PLCB4: variants seen among roughly 807,000 people sequenced by gnomAD.
The protein encoded by PLCB4 is 1-phosphatidylinositol 4,5-bisphosphate phosphodiesterase beta-4.
In PLCB4, 77 loss-of-function variants were observed where a neutral mutation model predicts 178.8. The ratio of observed to expected loss-of-function variants is 0.43; its 90% confidence interval spans 0.36 to 0.52. The LOEUF (loss-of-function observed/expected upper bound fraction) is 0.52, where lower values mean the gene tolerates loss of function less well. Among genes scored for constraint, PLCB4 ranks in the 20% least tolerant of loss-of-function variants. PLCB4 has a pLI of 0.00. For missense variants in PLCB4, 1,024 were observed against 1,453.4 expected (o/e 0.70, Z 4.80); for synonymous variants, 496 against 490.8 (o/e 1.01, Z -0.14).
At chr20:9,076,338 G>A (rs528154630) in intron 1 of PLCB4, among the ~76,000 whole-genome samples, 1 of 152,160 alleles carries the variant, frequency 6.6e-6, no homozygotes, top group South Asian at 2.1e-4. Flanking sequence ...GTGGTGGCAG[G>A]CGCCTGTAAT....
chr20:9,079,865 C>T (rs561128553), intron 1 of PLCB4, among the ~76,000 whole-genome samples: 2 of 151,976 alleles, frequency 1.3e-5, no homozygotes, highest in African/African-American at 4.8e-5. Flanking sequence ...AGGGATTATG[C>T]TTTATGCTTC....
In PLCB4 at chr20:9,377,123, C is replaced by T. The variant is rs149139199; in HGVS notation, c.745-2931C>T. ...TCAACATTCATCTCTCCCAGTGCTA[C>T]TTGGATTGAAGCCAGACGATGCCTC... On this transcript the variant is annotated intron_variant, in intron 12 of 39. Coordinates refer to ENST00000378473, the MANE Select transcript of PLCB4 (RefSeq NM_001377142.1). 3.0e-4 allele frequency among the ~76,000 whole-genome samples: 45 copies of T among 152,288 alleles called. 1 individual carries two copies. The highest frequency in any genetic ancestry group is 6.8e-3 in the Middle Eastern group (2 of 294).
rs539923629 is a variant in PLCB4, at chr20:9,160,400, C to T, written c.-78-56990C>T. Among the ~76,000 whole-genome samples the T allele has an allele frequency of 5.9e-5, 9 of 152,136 alleles. No homozygotes were observed. The East Asian group carries it at 1.2e-3, about 20-fold the overall frequency. On this transcript the variant is annotated intron_variant, in intron 2 of 39. Coordinates refer to ENST00000378473, the MANE Select transcript of PLCB4 (RefSeq NM_001377142.1). ...ATATACCTGGCACCTGACACAGCGC[C>T]GGGAGCATGGTGGGCACTCAGTAGA...
At chr20:9,338,202 A>C in intron 6 of PLCB4, 135 bp downstream of exon 6, 3 of 649,188 alleles carry the variant, frequency 4.6e-6, no homozygotes, top group South Asian at 3.7e-5. Context: ...TGAGAATAGC[A>C]TGTGGTTGCT....
rs371651735 is a variant in PLCB4 at position 9,342,939 on chromosome 20, C to T, written c.369+3902C>T. The stretch of plus-strand genomic sequence containing the variant: ...TCCACAAGATCGTGTCATTGGTTTA[C>T]GCAATTTTTATGACAACTGACAATA... On this transcript the variant is annotated intron_variant, in intron 7 of 39. Coordinates refer to ENST00000378473, the MANE Select transcript of PLCB4 (RefSeq NM_001377142.1). Among the ~76,000 whole-genome samples the T allele has an allele frequency of 8.5e-5, 13 of 152,160 alleles. 1 individual carries two copies. Among genetic ancestry groups the T allele is most frequent in the Admixed American group, 2.0e-4 (3 of 15,260 alleles).
intron 2 of PLCB4, among the ~76,000 whole-genome samples, chr20:9,185,320 T>A (rs985526911): frequency 9.9e-5 from 15 of 152,268 alleles, no homozygotes; most frequent in African/African-American, 3.4e-4. Context: ...GTTTTTTTTT[T>A]ATTTATACTG....
At chr20:9,356,061 T>G (rs2034787374) in intron 7 of PLCB4, among the ~76,000 whole-genome samples, 1 of 152,116 alleles carries the variant, frequency 6.6e-6, no homozygotes, top group African/African-American at 2.4e-5. Context: ...TGATGAACAT[T>G]TTTTCATGTG....
intron 2 of PLCB4, among the ~76,000 whole-genome samples, chr20:9,139,774 A>G (rs1194449099): frequency 6.6e-6 from 1 of 152,070 alleles, no homozygotes; most frequent in Non-Finnish European, 1.5e-5. Flanking sequence ...ATTCACGGAA[A>G]CTTTCATAAG....
At chr20:9,263,131 T>G (rs532796327) in intron 3 of PLCB4, among the ~76,000 whole-genome samples, 3 of 152,162 alleles carry the variant, frequency 2.0e-5, no homozygotes, top group Non-Finnish European at 4.4e-5. Flanking sequence ...AGGAAGAAGC[T>G]GATCGGCTCA....
intron 4 of PLCB4, among the ~76,000 whole-genome samples, chr20:9,322,595 C>T (rs2094974165): frequency 1.3e-5 from 2 of 152,206 alleles, no homozygotes; most frequent in South Asian, 4.1e-4. Context: ...GGCACCTCCA[C>T]GGCTCTTCTG....
rs139447757 is a variant in PLCB4, at chr20:9,307,396, T to C, written c.-15-404T>C. Among the ~76,000 whole-genome samples the C allele has an allele frequency of 5.1e-4, 78 of 152,174 alleles. 1 individual carries two copies. Among genetic ancestry groups the C allele is most frequent in the African/African-American group, 1.8e-3 (73 of 41,516 alleles). On this transcript the variant is annotated intron_variant, in intron 3 of 39. Transcript: ENST00000378473. ...GCCCATATGTTCACCTTCAAGCCCATAGTGCCCTTAGCTATTTACAGCAGG... is the reference window on the plus strand; with the variant it reads ...GCCCATATGTTCACCTTCAAGCCCACAGTGCCCTTAGCTATTTACAGCAGG...
Position 9,250,974 on chromosome 20 carries a change from A to G in PLCB4, c.-16+33522A>G, listed in dbSNP as rs183039745. On this transcript the variant is annotated intron_variant, in intron 3 of 39. Transcript: ENST00000378473. ...AGTATAGTAGTGACTATGCATGTCC[A>G]ACAGAGAAATGTGTTTTAACTTTGT... Among the ~76,000 whole-genome samples the G allele has an allele frequency of 1.1e-4, 17 of 152,350 alleles. No individual in the cohort carries two copies. In the East Asian group the frequency reaches 3.3e-3, roughly 29 times the overall value.
intron 2 of PLCB4, among the ~76,000 whole-genome samples, chr20:9,132,489 C>G (rs2092294978): frequency 1.3e-5 from 2 of 152,108 alleles, no homozygotes; most frequent in South Asian, 2.1e-4. Flanking sequence ...GTCCTACAAC[C>G]TAGAGTCCAA....
intron 18 of PLCB4, among the ~76,000 whole-genome samples, chr20:9,394,266 GA>G (rs1211463960): frequency 2.0e-5 from 3 of 151,986 alleles, no homozygotes; most frequent in African/African-American, 7.3e-5. Context: ...TATTCTAAAT[GA>G]AAAATTTTAA....
chr20:9,263,074 C>T (rs2094314117), intron 3 of PLCB4, among the ~76,000 whole-genome samples: 2 of 152,104 alleles, frequency 1.3e-5, no homozygotes, highest in South Asian at 4.1e-4. Context: ...CTATTTCAGG[C>T]AGCTCTTAAC....
chr20:9,449,513 GAGAGTCAAAAAATCAGAA>G (rs2042622330), intron 32 of PLCB4, among the ~76,000 whole-genome samples: 1 of 152,090 alleles, frequency 6.6e-6, no homozygotes, highest in Admixed American at 6.5e-5. Flanking sequence ...CCTCTTAAAG[GAGAGTCAAAAAATCAGAA>G]AGCTTATCTG....
rs559990429 is a variant in PLCB4 at position 9,217,651 on chromosome 20, A to G, written c.-16+199A>G. On this transcript the variant is annotated intron_variant, in intron 3 of 39. Transcript: ENST00000378473. The stretch of plus-strand genomic sequence containing the variant: ...TTCTAGGTTCAATTTTATTAATTTC[A>G]CTACTAACCTTGGGCACTTTACCCT... 2.5e-3 allele frequency among the ~76,000 whole-genome samples: 381 copies of G among 152,276 alleles called. 1 individual carries two copies. The highest frequency in any genetic ancestry group is 4.8e-3 in the Non-Finnish European group (324 of 68,012).
At chr20:9,340,446 G>T (rs1329916601) in intron 7 of PLCB4, among the ~76,000 whole-genome samples, 1 of 152,116 alleles carries the variant, frequency 6.6e-6, no homozygotes, top group Non-Finnish European at 1.5e-5. Flanking sequence ...GGTGAAGTTT[G>T]AGAACTCCTG....
chr20:9,468,544 GTTTGT>G, intron 35 of PLCB4, 22 bp from the exon 36 acceptor site: 1 of 1,400,372 alleles, frequency 7.1e-7, no homozygotes, highest in South Asian at 1.2e-5. Context: ...CCCCCTCCCT[GTTTGT>G]TTTCTTGTTT....
Sources: gnomAD v4.1 joint callset for allele counts (sites outside exome capture counted in the v4.1 genomes callset) on GRCh38, gnomAD v4.1.1 for gene constraint, MANE v1.5 for transcripts, NCBI Gene and HGNC (gene_info 2026-07-23, HGNC 2026-07-21) for gene names.